ADAMTSL1: variants seen among roughly 807,000 people sequenced by gnomAD.
ADAMTSL1 encodes the protein ADAMTS like 1, also known as ADAMTS-like protein 1.
In ADAMTSL1, 126 loss-of-function variants were observed where a neutral mutation model predicts 201.8. That is an observed-to-expected ratio of 0.62 (90% CI 0.54 to 0.72). The LOEUF is 0.72. Among genes scored for constraint, ADAMTSL1 ranks in the 30% least tolerant of loss-of-function variants. The pLI is 0.00. For missense variants in ADAMTSL1, 2,679 were observed against 2,277.8 expected (o/e 1.18, Z -3.59); for synonymous variants, 1,121 against 903.4 (o/e 1.24, Z -4.32).
chr9:18,233,780 C>T (rs527565661), intron 2 of ADAMTSL1, among the ~76,000 whole-genome samples: 20 of 152,326 alleles, frequency 1.3e-4, no homozygotes, highest in Admixed American at 7.2e-4. Flanking sequence ...ACAGCACTTA[C>T]ACGCTTTCTT....
chr9:18,787,930 T>C (rs72690567), intron 19 of ADAMTSL1, among the ~76,000 whole-genome samples: 25,653 of 152,126 alleles, frequency 0.17, 2,292 homozygotes, highest in Non-Finnish European at 0.2. Context: ...TTCAAGACTC[T>C]ATGAACTTCT....
Position 18,504,932 on chromosome 9 carries a change from C to A in ADAMTSL1, c.167C>A (p.Ser56Tyr), listed in dbSNP as rs1219665288. Residue 56 changes from serine (S) to tyrosine (Y), a missense_variant, in exon 2 of 29, where the codon TCT (serine) becomes TAT (tyrosine). Transcript: ENST00000380548. ...SRTCGGGASY[S>Y]LRRCLSSKSC... is the part of the protein sequence containing the mutation. ...ACCTGCGGGGGTGGGGCCTCCTACT[C>A]TCTGAGGCGCTGCCTGAGCAGCAAG... 4.3e-6 allele frequency: 7 copies of A among 1,610,434 alleles called. No homozygotes were observed. The highest frequency in any genetic ancestry group is 5.9e-6 in the Non-Finnish European group (7 of 1,179,332).
At chr9:18,058,405 G>T (rs935112608) in intron 1 of ADAMTSL1, among the ~76,000 whole-genome samples, 4 of 152,118 alleles carry the variant, frequency 2.6e-5, no homozygotes, top group African/African-American at 7.2e-5. Flanking sequence ...TGCCATGTTC[G>T]CTTTAGTCTT....
At chr9:18,028,380 G>T (rs1171708731) in intron 1 of ADAMTSL1, among the ~76,000 whole-genome samples, 2 of 151,996 alleles carry the variant, frequency 1.3e-5, no homozygotes, top group Non-Finnish European at 2.9e-5. Context: ...TGCTTATCTG[G>T]AAAAGATTTT....
At chr9:18,387,908 A>C (rs974844093) in intron 2 of ADAMTSL1, among the ~76,000 whole-genome samples, 1 of 143,712 alleles carries the variant, frequency 7.0e-6, no homozygotes, top group Non-Finnish European at 1.6e-5. Flanking sequence ...ATTTCTTCTA[A>C]TAGGTCTGGA....
chr9:18,495,590 A>G (rs1414565049), intron 1 of ADAMTSL1, among the ~76,000 whole-genome samples: 1 of 152,200 alleles, frequency 6.6e-6, no homozygotes, highest in Non-Finnish European at 1.5e-5. Context: ...GAGTGTTCCA[A>G]ATATCCAGGC....
At chr9:17,913,277 T>G (rs1212320816) in intron 1 of ADAMTSL1, among the ~76,000 whole-genome samples, 1 of 152,188 alleles carries the variant, frequency 6.6e-6, no homozygotes, top group African/African-American at 2.4e-5. Flanking sequence ...ATCTATAAAT[T>G]ACCTTGGGCA....
At chr9:18,807,556 A>G (rs1028137662) in intron 20 of ADAMTSL1, among the ~76,000 whole-genome samples, 23 of 151,222 alleles carry the variant, frequency 1.5e-4, no homozygotes, top group African/African-American at 5.3e-4. Context: ...GAGGCGGGAG[A>G]ACCGGCGTGA....
chr9:18,124,401 A>G (rs956886744), intron 1 of ADAMTSL1, among the ~76,000 whole-genome samples: 3 of 152,068 alleles, frequency 2.0e-5, no homozygotes, highest in African/African-American at 7.2e-5. Context: ...TATCTTTGGG[A>G]AAATATCTAT....
rs747820107 is a variant in ADAMTSL1 at position 18,706,743 on chromosome 9, G to A, written c.1575-4G>A. The A allele has an allele frequency of 2.5e-6, 4 of 1,593,462 alleles. No individual in the cohort carries two copies. The South Asian group carries it at 4.5e-5, about 18-fold the overall frequency. ...CTGTCCTCTTGTTTGCTTGCCGACT[G>A]CAGGTTCATCCCAGAGGCCTGGTCG... On this transcript the variant is annotated splice_region_variant and splice_polypyrimidine_tract_variant and intron_variant, in intron 13 of 28. Coordinates refer to ENST00000380548, the MANE Select transcript of ADAMTSL1 (RefSeq NM_001040272.6).
intron 1 of ADAMTSL1, among the ~76,000 whole-genome samples, chr9:18,099,796 T>G (rs1824438372): frequency 1.3e-5 from 2 of 151,816 alleles, no homozygotes; most frequent in South Asian, 2.1e-4. Flanking sequence ...CTGGCTAATT[T>G]TTTGCATTTT....
chr9:17,920,237 T>C (rs1024958751), intron 1 of ADAMTSL1, among the ~76,000 whole-genome samples: 1 of 152,170 alleles, frequency 6.6e-6, no homozygotes, highest in East Asian at 1.9e-4. Flanking sequence ...AAAGGCATAA[T>C]AACAATCAGA....
At chr9:18,561,265 A>T in intron 3 of ADAMTSL1, among the ~76,000 whole-genome samples, 1 of 152,086 alleles carries the variant, frequency 6.6e-6, no homozygotes, top group East Asian at 1.9e-4. Context: ...GAACTTATTT[A>T]TTTCTGCCTT....
chr9:17,979,947 G>A (rs1818619920), intron 1 of ADAMTSL1, among the ~76,000 whole-genome samples: 1 of 151,982 alleles, frequency 6.6e-6, no homozygotes, highest in East Asian at 1.9e-4. Flanking sequence ...AGAACTGAGG[G>A]GGCTAACATG....
At chr9:18,505,164 T>G (rs902263470) in intron 2 of ADAMTSL1, among the ~76,000 whole-genome samples, 3 of 152,240 alleles carry the variant, frequency 2.0e-5, no homozygotes, top group South Asian at 2.1e-4. Context: ...GGTCTTTATG[T>G]ACTCTTATCA....
chr9:18,905,494 T>C (rs1830253523), intron 26 of ADAMTSL1: 1 of 398,516 alleles, frequency 2.5e-6, no homozygotes, highest in Non-Finnish European at 4.7e-6. Flanking sequence ...TGCCAAAATA[T>C]CTTTCATATG....
chr9:18,299,970 A>G (rs993020940), intron 2 of ADAMTSL1, among the ~76,000 whole-genome samples: 2 of 152,246 alleles, frequency 1.3e-5, no homozygotes, highest in Admixed American at 6.5e-5. Context: ...CATGCTTTCA[A>G]AACTCCAAGT....
At chr9:18,034,214 C>T (rs1392162580) in intron 1 of ADAMTSL1, among the ~76,000 whole-genome samples, 2 of 152,162 alleles carry the variant, frequency 1.3e-5, no homozygotes, top group East Asian at 1.9e-4. Context: ...CATTAACAAC[C>T]TTCTATAGAA....
At chr9:18,429,882 C>G (rs762540057) in intron 2 of ADAMTSL1, among the ~76,000 whole-genome samples, 2 of 151,976 alleles carry the variant, frequency 1.3e-5, no homozygotes, top group African/African-American at 4.8e-5. Context: ...CTCTGCCTCC[C>G]GGGTTCAAGC....
Sources: gnomAD v4.1 joint callset for allele counts (sites outside exome capture counted in the v4.1 genomes callset) on GRCh38, gnomAD v4.1.1 for gene constraint, MANE v1.5 for transcripts, NCBI Gene and HGNC (gene_info 2026-07-23, HGNC 2026-07-21) for gene names.